RAB3B: variants seen among roughly 807,000 people sequenced by gnomAD.
The protein encoded by RAB3B is RAB3B, member RAS oncogene family.
A neutral mutation model predicts 20.5 loss-of-function variants in RAB3B; 11 were observed. That is an observed-to-expected ratio of 0.54 (90% CI 0.34 to 0.89). RAB3B has a LOEUF of 0.89. Among genes scored for constraint, RAB3B ranks in the 40% least tolerant of loss-of-function variants. The probability of loss-of-function intolerance (pLI) is 0.02; values close to 1 mark genes in which losing one functional copy is unlikely to be tolerated. For synonymous variants in RAB3B, 99 were observed against 106.3 expected (o/e 0.93, Z 0.42); for missense variants, 225 against 280.9 (o/e 0.80, Z 1.42).
chr1:51,928,453 A>C (rs1684277726), intron 4 of RAB3B, among the ~76,000 whole-genome samples: 1 of 152,224 alleles, frequency 6.6e-6, no homozygotes, highest in South Asian at 2.1e-4. Context: ...AATAGTCTTG[A>C]CTGAGAGAGC....
intron 2 of RAB3B, among the ~76,000 whole-genome samples, chr1:51,968,550 T>C (rs1230598270): frequency 2.6e-5 from 4 of 152,200 alleles, no homozygotes; most frequent in Admixed American, 6.5e-5. Flanking sequence ...CAGTAAATAT[T>C]TGTTAAATGG....
intron 2 of RAB3B, among the ~76,000 whole-genome samples, chr1:51,954,376 G>T (rs2124280241): frequency 6.6e-6 from 1 of 152,288 alleles, no homozygotes; most frequent in South Asian, 2.1e-4. Context: ...AAACTGGAAA[G>T]GAACCAACCA....
rs201291187 is a variant in RAB3B at position 51,911,390 on chromosome 1, TTTTGTTTG to T, written c.*8529_*8536del. On this transcript the variant is annotated 3_prime_UTR_variant, in exon 5 of 5. Coordinates refer to ENST00000371655, the MANE Select transcript of RAB3B (RefSeq NM_002867.4). ...AATGACCCAGGTTTTTTTTGTTTGT[TTTTGTTTG>T]TTTGTTTGTTTGTTTTAGAATTTCT... The T allele has an allele frequency of 6.6e-6, 1 of 152,304 alleles. No homozygotes were observed. Among genetic ancestry groups the T allele is most frequent in the African/African-American group, 2.4e-5 (1 of 41,556 alleles). 9.4% of individuals were successfully genotyped at this position (152,304 alleles called of 1,614,324 possible). A position where few individuals can be genotyped will look rare whatever the true frequency, so the allele number is the denominator to read the frequency against.
At chr1:51,941,491 G>A (rs1274858014) in intron 2 of RAB3B, among the ~76,000 whole-genome samples, 3 of 152,168 alleles carry the variant, frequency 2.0e-5, no homozygotes, top group Non-Finnish European at 4.4e-5. Flanking sequence ...AGCTAGAGTG[G>A]TAACAACAGG....
At chr1:51,957,120 A>G (rs779002630) in intron 2 of RAB3B, among the ~76,000 whole-genome samples, 2 of 152,160 alleles carry the variant, frequency 1.3e-5, no homozygotes, top group Non-Finnish European at 2.9e-5. Flanking sequence ...CTGCTGGGAG[A>G]TAATCTGTAG....
In RAB3B at chr1:51,922,171, C is replaced by T. The variant is rs144325255; in HGVS notation, c.473-2057G>A. Among the ~76,000 whole-genome samples, 6 of 152,322 alleles carry T rather than the reference C, an allele frequency of 3.9e-5. No individual in the cohort carries two copies. The East Asian group carries it at 5.8e-4, about 15-fold the overall frequency. ...CAGCATATCGTTTTTCCTTAATGAA[C>T]GTCACAAAAATGGACTCCCCAGTCT... On this transcript the variant is annotated intron_variant, in intron 4 of 4. Transcript: ENST00000371655.
chr1:51,926,212 T>C (rs1160316233), intron 4 of RAB3B, among the ~76,000 whole-genome samples: 1 of 152,196 alleles, frequency 6.6e-6, no homozygotes, highest in Non-Finnish European at 1.5e-5. Context: ...AGGTTATAAT[T>C]ATCTGTTTGC....
chr1:51,927,345 G>C (rs1014799526), intron 4 of RAB3B, among the ~76,000 whole-genome samples: 20 of 152,310 alleles, frequency 1.3e-4, no homozygotes, highest in African/African-American at 4.8e-4. Context: ...TAAATACAGA[G>C]ACCCAGAGAC....
intron 4 of RAB3B, among the ~76,000 whole-genome samples, chr1:51,924,933 T>C (rs1276122451): frequency 6.6e-6 from 1 of 152,154 alleles, no homozygotes; most frequent in African/African-American, 2.4e-5. Flanking sequence ...TTCTCCTAAT[T>C]GGCTTCAGAA....
intron 4 of RAB3B, among the ~76,000 whole-genome samples, chr1:51,925,574 A>G (rs1684232954): frequency 6.6e-6 from 1 of 152,152 alleles, no homozygotes; most frequent in Non-Finnish European, 1.5e-5. Context: ...CTCCAGAAAC[A>G]TCAGTGCTTC....
intron 2 of RAB3B, among the ~76,000 whole-genome samples, chr1:51,976,347 T>G (rs1480379550): frequency 6.6e-6 from 1 of 152,006 alleles, no homozygotes; most frequent in Non-Finnish European, 1.5e-5. Context: ...TTTTATTTTT[T>G]TGAGAGATGA....
intron 1 of RAB3B, among the ~76,000 whole-genome samples, chr1:51,989,698 C>A (rs1278843379): frequency 6.6e-6 from 1 of 151,912 alleles, no homozygotes; most frequent in African/African-American, 2.4e-5. Context: ...ATTTCCAAGG[C>A]CACTTCCCTG....
Position 51,919,861 on chromosome 1 carries a change from T to C in RAB3B, c.*66A>G, listed in dbSNP as rs963643004. On this transcript the variant is annotated 3_prime_UTR_variant, in exon 5 of 5. Transcript: ENST00000371655. ...GAGAGTGGGCTGAGAGCGGACAGTG[T>C]GTAACAGGGAGAAGCAGACTGGGTG... is the stretch of plus-strand genomic sequence containing the variant. 2.7e-6 allele frequency: 4 copies of C among 1,475,330 alleles called. No individual in the cohort carries two copies. Among genetic ancestry groups the C allele is most frequent in the African/African-American group, 1.4e-5 (1 of 72,218 alleles). The allele number at this position is 1,475,330 out of a possible 1,614,324, so 91.4% of individuals were successfully genotyped here.
In RAB3B at chr1:51,919,990, G is replaced by A; in HGVS notation, c.597C>T (p.Gly199=). The change falls in exon 5 of 5, where the codon GGC becomes GGT. Residue 199 remains glycine, a synonymous_variant. Coordinates refer to ENST00000371655, the MANE Select transcript of RAB3B (RefSeq NM_002867.4). Reference sequence around the variant, plus strand: ...CCGAGAGACGCGTGTTCTTGGAGGAGCCCAGCATCGACGGGTCTGTGTCCA... The same window carrying A: ...CCGAGAGACGCGTGTTCTTGGAGGAACCCAGCATCGACGGGTCTGTGTCCA... ...DSLDTDPSML[G]SSKNTRLSDT... is the part of the protein sequence containing the mutation. The A allele has an allele frequency of 1.2e-6, 2 of 1,614,186 alleles. No individual in the cohort carries two copies. Among genetic ancestry groups the A allele is most frequent in the Non-Finnish European group, 1.7e-6 (2 of 1,180,028 alleles).
chr1:51,919,903 G>A lies in RAB3B; in HGVS notation c.*24C>T, dbSNP rs1275223714. On this transcript the variant is annotated 3_prime_UTR_variant, in exon 5 of 5. Coordinates refer to ENST00000371655, the MANE Select transcript of RAB3B (RefSeq NM_002867.4). ...GACTGGGTGTGGGGCCACAATGAGG[G>A]GAGGTCAGGAAGGTGGGCCTTGCCT... The A allele has an allele frequency of 2.5e-6, 4 of 1,598,970 alleles. No individual in the cohort carries two copies. Among genetic ancestry groups the A allele is most frequent in the Non-Finnish European group, 3.4e-6 (4 of 1,171,024 alleles).
At chr1:51,969,004 G>A (rs1684892859) in intron 2 of RAB3B, among the ~76,000 whole-genome samples, 1 of 152,150 alleles carries the variant, frequency 6.6e-6, no homozygotes, top group Admixed American at 6.5e-5. Flanking sequence ...ATTATAGTAA[G>A]AGCTATTGGG....
chr1:51,946,551 A>G (rs1398644959), intron 2 of RAB3B, among the ~76,000 whole-genome samples: 1 of 152,236 alleles, frequency 6.6e-6, no homozygotes, highest in African/African-American at 2.4e-5. Context: ...TCATATGGGC[A>G]GAGGATTATG....
chr1:51,976,498 C>A (rs1031673755), intron 2 of RAB3B, among the ~76,000 whole-genome samples: 1 of 152,160 alleles, frequency 6.6e-6, no homozygotes, highest in African/African-American at 2.4e-5. Flanking sequence ...AAGGACCCAA[C>A]AGCCTTATGA....
intron 1 of RAB3B, among the ~76,000 whole-genome samples, chr1:51,981,507 C>A (rs1004949738): frequency 1.3e-5 from 2 of 152,082 alleles, no homozygotes; most frequent in African/African-American, 2.4e-5. Flanking sequence ...GCAAAGAGAC[C>A]TATTTATACT....
Sources: gnomAD v4.1 joint callset for allele counts (sites outside exome capture counted in the v4.1 genomes callset) on GRCh38, gnomAD v4.1.1 for gene constraint, MANE v1.5 for transcripts, NCBI Gene and HGNC (gene_info 2026-07-23, HGNC 2026-07-21) for gene names.